ZBTB7C: variants seen among roughly 807,000 people sequenced by gnomAD.
ZBTB7C encodes the protein zinc finger and BTB domain containing 7C.
A neutral mutation model predicts 25.7 loss-of-function variants in ZBTB7C; 8 were observed. That is an observed-to-expected ratio of 0.31 (90% confidence interval 0.18 to 0.56). The LOEUF (loss-of-function observed/expected upper bound fraction) is 0.56. Among genes scored for constraint, ZBTB7C ranks in the 20% least tolerant of loss-of-function variants. The probability of loss-of-function intolerance (pLI) is 0.91; values close to 1 mark genes in which losing one functional copy is unlikely to be tolerated. For missense variants in ZBTB7C, 824 were observed against 855.2 expected, an observed-to-expected ratio of 0.96 and a Z score of 0.46; for synonymous variants, 394 against 369.0, an observed-to-expected ratio of 1.07 and a Z score of -0.78.
At chr18:48,321,837 C>T (rs374994265) in intron 2 of ZBTB7C, among the ~76,000 whole-genome samples, 3 of 152,198 alleles carry the variant, frequency 2.0e-5, no homozygotes, top group Non-Finnish European at 4.4e-5. Context: ...GCATAAGCAC[C>T]CCCATCTCAA....
chr18:48,257,105 AACCCACTTTAAATAT>A (rs2044042875), intron 2 of ZBTB7C, among the ~76,000 whole-genome samples: 2 of 152,060 alleles, frequency 1.3e-5, no homozygotes, highest in Admixed American at 1.3e-4. Flanking sequence ...TATAAACTGA[AACCCACTTTAAATAT>A]AAAAAAAGAT....
intron 2 of ZBTB7C, among the ~76,000 whole-genome samples, chr18:48,283,848 T>C (rs904778995): frequency 2.6e-5 from 4 of 152,132 alleles, no homozygotes; most frequent in African/African-American, 9.7e-5. Flanking sequence ...TTATCACTTA[T>C]ATCAAGAAGA....
intron 3 of ZBTB7C, among the ~76,000 whole-genome samples, chr18:48,049,513 T>C (rs896488305): frequency 6.6e-6 from 1 of 152,112 alleles, no homozygotes; most frequent in Non-Finnish European, 1.5e-5. Flanking sequence ...ATGAGATTGG[T>C]TCAAATAAAC....
At chr18:48,156,789 A>C (rs781230947) in intron 3 of ZBTB7C, among the ~76,000 whole-genome samples, 31 of 152,040 alleles carry the variant, frequency 2.0e-4, no homozygotes, top group Non-Finnish European at 4.0e-4. Flanking sequence ...GGGAATGTCA[A>C]ATTTAAGTAA....
chr18:48,046,292 G>A (rs1389707876), intron 3 of ZBTB7C, among the ~76,000 whole-genome samples: 1 of 152,182 alleles, frequency 6.6e-6, no homozygotes, highest in African/African-American at 2.4e-5. Context: ...AACAAAATCC[G>A]TGTATTACAA....
chr18:48,044,749 C>G (rs2036401202), intron 3 of ZBTB7C, among the ~76,000 whole-genome samples: 1 of 152,240 alleles, frequency 6.6e-6, no homozygotes, highest in African/African-American at 2.4e-5. Context: ...TAGGGCAGGA[C>G]AAGCAGGCAC....
At chr18:48,317,570 G>A (rs896243056) in intron 2 of ZBTB7C, among the ~76,000 whole-genome samples, 1 of 152,190 alleles carries the variant, frequency 6.6e-6, no homozygotes, top group African/African-American at 2.4e-5. Context: ...CAAAGTACAG[G>A]GAGGCACCAG....
intron 1 of ZBTB7C, among the ~76,000 whole-genome samples, chr18:48,361,357 G>A (rs1273201270): frequency 6.6e-6 from 1 of 152,204 alleles, no homozygotes; most frequent in Admixed American, 6.5e-5. Context: ...GCTGAGTTCA[G>A]AGAGGGTAGG....
chr18:48,360,513 C>T (rs1031475500), intron 1 of ZBTB7C, among the ~76,000 whole-genome samples: 4 of 152,192 alleles, frequency 2.6e-5, no homozygotes, highest in Non-Finnish European at 4.4e-5. Context: ...CCTAGGCAGG[C>T]GGGCCAGGGC....
intron 2 of ZBTB7C, among the ~76,000 whole-genome samples, chr18:48,261,175 G>C (rs1388649702): frequency 6.6e-6 from 1 of 152,196 alleles, no homozygotes; most frequent in Non-Finnish European, 1.5e-5. Flanking sequence ...TCCTAAGATT[G>C]AATGTGTTGG....
intron 2 of ZBTB7C, among the ~76,000 whole-genome samples, chr18:48,328,485 A>T (rs1189621318): frequency 6.6e-6 from 1 of 152,190 alleles, no homozygotes; most frequent in Admixed American, 6.5e-5. Flanking sequence ...TAATTTGAAC[A>T]AAGATCTTTC....
intron 3 of ZBTB7C, among the ~76,000 whole-genome samples, chr18:48,048,416 A>C (rs571005089): frequency 2.0e-5 from 3 of 152,328 alleles, no homozygotes; most frequent in African/African-American, 7.2e-5. Context: ...GCTGGTGCTG[A>C]CACTGTGCCT....
At chr18:48,284,811 AC>A (rs749475630) in intron 2 of ZBTB7C, among the ~76,000 whole-genome samples, 9,389 of 118,002 alleles carry the variant, frequency 0.08, 391 homozygotes, top group African/African-American at 0.12. Flanking sequence ...AAAAAAAAAA[AC>A]AGAGAGAGAG....
At chr18:48,327,727 G>C (rs540316155) in intron 2 of ZBTB7C, among the ~76,000 whole-genome samples, 1 of 152,074 alleles carries the variant, frequency 6.6e-6, no homozygotes, top group African/African-American at 2.4e-5. Context: ...CTTCCCCTCC[G>C]TCTCTTCTCT....
chr18:48,373,224 T>C (rs1304611629), intron 1 of ZBTB7C, among the ~76,000 whole-genome samples: 1 of 151,554 alleles, frequency 6.6e-6, no homozygotes, highest in Non-Finnish European at 1.5e-5. Flanking sequence ...CACGGCTTGG[T>C]ACGGTCTTTG....
intron 2 of ZBTB7C, among the ~76,000 whole-genome samples, chr18:48,247,600 C>T (rs1289168722): frequency 6.6e-6 from 1 of 152,218 alleles, no homozygotes; most frequent in Non-Finnish European, 1.5e-5. Context: ...ACCTCTTCTG[C>T]TTCACTCCAA....
At chr18:48,356,756 A>G in intron 1 of ZBTB7C, among the ~76,000 whole-genome samples, 1 of 152,218 alleles carries the variant, frequency 6.6e-6, no homozygotes, top group Admixed American at 6.5e-5. Flanking sequence ...TCAAGAAATG[A>G]TCAATGGGCC....
intron 1 of ZBTB7C, among the ~76,000 whole-genome samples, chr18:48,353,322 CA>C (rs1439866305): frequency 1.3e-5 from 2 of 152,190 alleles, no homozygotes; most frequent in African/African-American, 4.8e-5. Flanking sequence ...ATGTACCCTC[CA>C]TTGTCTAAAA....
intron 3 of ZBTB7C, chr18:48,180,553 C>A (rs758393311): frequency 1.8e-4 from 64 of 356,808 alleles, no homozygotes; most frequent in Non-Finnish European, 3.1e-4. Flanking sequence ...GAAGTCTTGG[C>A]AGACAGCACA....
Sources: gnomAD v4.1 joint callset for allele counts (sites outside exome capture counted in the v4.1 genomes callset) on GRCh38, gnomAD v4.1.1 for gene constraint, MANE v1.5 for transcripts, NCBI Gene and HGNC (gene_info 2026-07-23, HGNC 2026-07-21) for gene names.